The following HMGCLL1 variants were observed in gnomAD, a reference collection of about 807,000 sequenced individuals.
The protein encoded by HMGCLL1 is 3-hydroxy-3-methylglutaryl-CoA lyase like 1.
HMGCLL1 carries 36 observed loss-of-function variants against 39.1 expected under a neutral mutation model. That is an observed-to-expected ratio of 0.92 (90% confidence interval 0.71 to 1.22). The LOEUF (loss-of-function observed/expected upper bound fraction) is 1.22. HMGCLL1 is among the 50% of genes most tolerant of loss of function. The probability of loss-of-function intolerance (pLI) is 0.00; values close to 1 mark genes in which losing one functional copy is unlikely to be tolerated. For missense variants in HMGCLL1, 451 were observed against 416.5 expected, an observed-to-expected ratio of 1.08 and a Z score of -0.72; for synonymous variants, 149 against 144.0, an observed-to-expected ratio of 1.03 and a Z score of -0.25.
chr6:55,658,741 A>T, the HMGCLL1 span, among the ~76,000 whole-genome samples: 4 of 151,988 alleles, frequency 2.6e-5, no homozygotes, highest in Non-Finnish European at 5.9e-5. Context: ...ATAAATGATA[A>T]GTAAAAATAG....
At chr6:55,520,798 A>G (rs965897416) in intron 3 of HMGCLL1, among the ~76,000 whole-genome samples, 5 of 152,006 alleles carry the variant, frequency 3.3e-5, no homozygotes, top group Admixed American at 2.6e-4. Context: ...AATGATAAAA[A>G]TCCTCATGAT....
At chr6:55,674,690 T>C in the HMGCLL1 span, among the ~76,000 whole-genome samples, 2 of 152,048 alleles carry the variant, frequency 1.3e-5, no homozygotes, top group Non-Finnish European at 2.9e-5. Flanking sequence ...TACTATAGGA[T>C]TGCATCCAAC....
At chr6:55,443,475 C>G (rs538845704) in intron 7 of HMGCLL1, among the ~76,000 whole-genome samples, 132 of 152,212 alleles carry the variant, frequency 8.7e-4, no homozygotes, top group African/African-American at 3.0e-3. Context: ...CTTGTCAAAA[C>G]AACAGTTTTT....
the HMGCLL1 span, among the ~76,000 whole-genome samples, chr6:55,606,377 C>T: frequency 1.9e-3 from 294 of 152,090 alleles, 1 homozygote; most frequent in African/African-American, 6.6e-3. Context: ...GGACAGACAA[C>T]CAGACTTTTA....
At chr6:55,595,754 TG>T in the HMGCLL1 span, among the ~76,000 whole-genome samples, 1 of 152,056 alleles carries the variant, frequency 6.6e-6, no homozygotes, top group African/African-American at 2.4e-5. Flanking sequence ...CTGGCCAAAC[TG>T]GGGGAAATAC....
intron 7 of HMGCLL1, among the ~76,000 whole-genome samples, chr6:55,446,588 A>G (rs145987683): frequency 7.2e-5 from 11 of 152,030 alleles, no homozygotes; most frequent in African/African-American, 2.6e-4. Flanking sequence ...TGTCATAAAC[A>G]TATCATGTCT....
At chr6:55,484,865 A>T (rs140055066) in intron 7 of HMGCLL1, among the ~76,000 whole-genome samples, 191 of 152,206 alleles carry the variant, frequency 1.3e-3, no homozygotes, top group African/African-American at 4.3e-3. Flanking sequence ...AGCAGTCAGA[A>T]TGATCCCTTT....
chr6:55,520,206 C>G (rs2127440857), intron 3 of HMGCLL1, among the ~76,000 whole-genome samples: 1 of 150,012 alleles, frequency 6.7e-6, no homozygotes, highest in Admixed American at 6.7e-5. Flanking sequence ...GTGTAACAAA[C>G]TGCATATTCT....
At chr6:55,521,493 C>T (rs546511131) in intron 3 of HMGCLL1, among the ~76,000 whole-genome samples, 1 of 152,126 alleles carries the variant, frequency 6.6e-6, no homozygotes, top group Admixed American at 6.6e-5. Context: ...AGAATGTGCT[C>T]ACTTTGTATC....
chr6:55,649,278 T>A, the HMGCLL1 span, among the ~76,000 whole-genome samples: 4 of 152,112 alleles, frequency 2.6e-5, no homozygotes, highest in African/African-American at 9.7e-5. Context: ...CTGGTGTTAA[T>A]GAATTCCTGA....
At chr6:55,553,830 T>C (rs1770500817) in intron 1 of HMGCLL1, among the ~76,000 whole-genome samples, 1 of 152,218 alleles carries the variant, frequency 6.6e-6, no homozygotes, top group Admixed American at 6.5e-5. Flanking sequence ...TCATTGTTGA[T>C]AGTAGAGCAG....
intron 5 of HMGCLL1, among the ~76,000 whole-genome samples, chr6:55,506,749 CAA>C (rs1767185595): frequency 6.6e-6 from 1 of 151,334 alleles, no homozygotes; most frequent in Admixed American, 6.6e-5. Context: ...ACCCAAAGCC[CAA>C]AAATAGTGAG....
At chr6:55,641,659 G>T in the HMGCLL1 span, among the ~76,000 whole-genome samples, 1 of 151,710 alleles carries the variant, frequency 6.6e-6, no homozygotes, top group South Asian at 2.1e-4. Flanking sequence ...ATTTATTTTT[G>T]TATATCTTCC....
At chr6:55,668,926 A>T in the HMGCLL1 span, among the ~76,000 whole-genome samples, 1 of 151,712 alleles carries the variant, frequency 6.6e-6, no homozygotes, top group Non-Finnish European at 1.5e-5. Flanking sequence ...CTTCCTTTCC[A>T]CTTGGTAGAG....
In HMGCLL1 at chr6:55,516,620, T is replaced by C; in HGVS notation, c.298-17A>G. The C allele has an allele frequency of 6.6e-7, 1 of 1,516,214 alleles. No individual in the cohort carries two copies. The highest frequency in any genetic ancestry group is 1.2e-5 in the South Asian group (1 of 83,080). 93.9% of individuals were successfully genotyped at this position (1,516,214 alleles called of 1,614,324 possible). A position where few individuals can be genotyped will look rare whatever the true frequency, so the allele number is the denominator to read the frequency against. On this transcript the variant is annotated splice_polypyrimidine_tract_variant and intron_variant, in intron 3 of 8. Transcript: ENST00000274901. ...ATCAGCCATCTTAAATACATAATAG[T>C]TATATGTAAATGTGTAACTTCGAAT...
At chr6:55,614,669 T>A in the HMGCLL1 span, among the ~76,000 whole-genome samples, 2 of 152,180 alleles carry the variant, frequency 1.3e-5, no homozygotes, top group Non-Finnish European at 2.9e-5. Context: ...ATATTTTTGT[T>A]CTGTTAGCCC....
intron 7 of HMGCLL1, among the ~76,000 whole-genome samples, chr6:55,483,149 AT>A (rs1260305530): frequency 6.6e-6 from 1 of 152,220 alleles, no homozygotes; most frequent in African/African-American, 2.4e-5. Context: ...GAATATTATC[AT>A]TAAGTCAATT....
chr6:55,555,523 A>G (rs139752108), intron 1 of HMGCLL1, among the ~76,000 whole-genome samples: 2,008 of 152,298 alleles, frequency 0.013, 32 homozygotes, highest in Non-Finnish European at 0.023. Context: ...TGTTGGGTTC[A>G]CTGCTGTGTC....
intron 1 of HMGCLL1, chr6:55,577,270 A>G: frequency 1.4e-6 from 2 of 1,430,828 alleles, no homozygotes; most frequent in Non-Finnish European, 1.9e-6. Flanking sequence ...TATTGGAACT[A>G]AAACAGAATT....
Sources: gnomAD v4.1 joint callset for allele counts (sites outside exome capture counted in the v4.1 genomes callset) on GRCh38, gnomAD v4.1.1 for gene constraint, MANE v1.5 for transcripts, NCBI Gene and HGNC (gene_info 2026-07-23, HGNC 2026-07-21) for gene names.